LRRC4C: variants seen among roughly 807,000 people sequenced by gnomAD.
LRRC4C encodes leucine rich repeat containing 4C, also known as leucine-rich repeat-containing protein 4C.
Under a neutral mutation model 33.6 loss-of-function variants are expected in LRRC4C, and 5 were observed. The ratio of observed to expected loss-of-function variants is 0.15; its 90% CI spans 0.08 to 0.31. LRRC4C has a LOEUF of 0.31. Ranked by LOEUF, LRRC4C falls within the 10% of genes least tolerant of loss-of-function variation. LRRC4C has a pLI of 1.00. For synonymous variants in LRRC4C, 329 were observed against 302.0 expected, an observed-to-expected ratio of 1.09 and a Z score of -0.93; for missense variants, 560 against 796.7, an observed-to-expected ratio of 0.70 and a Z score of 3.58.
intron 5 of LRRC4C, among the ~76,000 whole-genome samples, chr11:40,179,010 CTT>C (rs5791361): frequency 1.7e-3 from 244 of 141,060 alleles, no homozygotes; most frequent in Non-Finnish European, 1.8e-3. Flanking sequence ...AACTTTCTTT[CTT>C]TTTTTTTTTT....
At chr11:40,121,590 T>G (rs1396705471) in intron 6 of LRRC4C, among the ~76,000 whole-genome samples, 3 of 152,224 alleles carry the variant, frequency 2.0e-5, no homozygotes, top group Non-Finnish European at 2.9e-5. Context: ...TGTGTGAGTT[T>G]TGAATTAAAC....
At chr11:40,521,452 C>T (rs1235176738) in intron 3 of LRRC4C, among the ~76,000 whole-genome samples, 1 of 152,076 alleles carries the variant, frequency 6.6e-6, no homozygotes, top group East Asian at 1.9e-4. Context: ...CTCACTTATT[C>T]GTTACATTCA....
At chr11:40,523,569 G>A (rs114508365) in intron 3 of LRRC4C, among the ~76,000 whole-genome samples, 9,643 of 148,386 alleles carry the variant, frequency 0.065, 819 homozygotes, top group African/African-American at 0.2. Context: ...TAAATATTAT[G>A]TAAAATATAG....
chr11:40,772,004 C>T (rs978068855), intron 2 of LRRC4C, among the ~76,000 whole-genome samples: 4 of 152,154 alleles, frequency 2.6e-5, no homozygotes, highest in East Asian at 1.9e-4. Context: ...GTTCCAAAGT[C>T]GCTTCCACAT....
chr11:40,732,701 T>G (rs1341645455), intron 2 of LRRC4C, among the ~76,000 whole-genome samples: 3 of 152,178 alleles, frequency 2.0e-5, no homozygotes, highest in Admixed American at 6.5e-5. Flanking sequence ...CTTTTGAGCT[T>G]CAAAAACTAA....
chr11:41,274,427 T>C (rs1382527889), intron 1 of LRRC4C, among the ~76,000 whole-genome samples: 1 of 152,056 alleles, frequency 6.6e-6, no homozygotes, highest in African/African-American at 2.4e-5. Context: ...GCAATGATGG[T>C]GGCGAGAAGC....
At chr11:40,455,846 T>G (rs1952106625) in intron 3 of LRRC4C, among the ~76,000 whole-genome samples, 1 of 152,126 alleles carries the variant, frequency 6.6e-6, no homozygotes, top group South Asian at 2.1e-4. Flanking sequence ...CTCTCTGTGT[T>G]GGCCAACTCA....
intron 2 of LRRC4C, among the ~76,000 whole-genome samples, chr11:40,777,802 C>T (rs1009561401): frequency 2.0e-5 from 3 of 151,958 alleles, no homozygotes; most frequent in African/African-American, 7.3e-5. Context: ...ATTCTCCTGC[C>T]TCAGCCTCCC....
intron 4 of LRRC4C, among the ~76,000 whole-genome samples, chr11:40,250,405 G>A (rs557192317): frequency 6.6e-6 from 1 of 152,078 alleles, no homozygotes; most frequent in South Asian, 2.1e-4. Context: ...TGCTTACCGG[G>A]CAGCAGTCCT....
At chr11:40,401,833 A>G (rs1590622125) in intron 3 of LRRC4C, among the ~76,000 whole-genome samples, 1 of 152,064 alleles carries the variant, frequency 6.6e-6, no homozygotes, top group East Asian at 1.9e-4. Context: ...AGTCAAAACC[A>G]TTTTGCTTTT....
intron 3 of LRRC4C, among the ~76,000 whole-genome samples, chr11:40,588,013 T>C (rs1273244646): frequency 0.014 from 2,194 of 151,442 alleles, 62 homozygotes; most frequent in African/African-American, 0.05. Flanking sequence ...GGAGGATTCC[T>C]TCTTTTTCTA....
chr11:40,619,733 G>T (rs1962253157), intron 3 of LRRC4C, among the ~76,000 whole-genome samples: 2 of 151,266 alleles, frequency 1.3e-5, no homozygotes, highest in South Asian at 4.2e-4. Flanking sequence ...TCTCCCTCCA[G>T]GCTGCTAAAC....
intron 2 of LRRC4C, among the ~76,000 whole-genome samples, chr11:40,697,440 T>G (rs1035261949): frequency 5.9e-5 from 9 of 152,194 alleles, no homozygotes; most frequent in Admixed American, 5.9e-4. Flanking sequence ...ATATACATTA[T>G]TTTCTTTTTA....
intron 2 of LRRC4C, among the ~76,000 whole-genome samples, chr11:40,675,033 A>G (rs186691798): frequency 9.8e-5 from 15 of 152,326 alleles, no homozygotes; most frequent in Middle Eastern, 3.4e-3. Context: ...AAAAATTCCC[A>G]AAAGTCAGAG....
At chr11:41,130,355 T>A (rs561441262) in intron 1 of LRRC4C, among the ~76,000 whole-genome samples, 157 of 152,088 alleles carry the variant, frequency 1.0e-3, no homozygotes, top group African/African-American at 3.5e-3. Flanking sequence ...TCTTCACTAT[T>A]CTTCTTTCTT....
intron 3 of LRRC4C, among the ~76,000 whole-genome samples, chr11:40,588,727 G>A (rs544764601): frequency 1.4e-4 from 21 of 152,116 alleles, no homozygotes; most frequent in African/African-American, 4.6e-4. Context: ...CCTTCATTTC[G>A]TTCGGTACCC....
At chr11:40,564,482 T>TC (rs1380481786) in intron 3 of LRRC4C, among the ~76,000 whole-genome samples, 1 of 152,182 alleles carries the variant, frequency 6.6e-6, no homozygotes, top group Non-Finnish European at 1.5e-5. Context: ...CAGTGGTGGC[T>TC]CTTCTATGCA....
chr11:40,201,433 C>T (rs1862744154), intron 5 of LRRC4C, among the ~76,000 whole-genome samples: 1 of 152,076 alleles, frequency 6.6e-6, no homozygotes, highest in African/African-American at 2.4e-5. Context: ...CAGCAACAAA[C>T]TAAACAAATC....
At chr11:41,000,933 A>G (rs1854327663) in intron 1 of LRRC4C, among the ~76,000 whole-genome samples, 1 of 152,174 alleles carries the variant, frequency 6.6e-6, no homozygotes, top group Non-Finnish European at 1.5e-5. Flanking sequence ...GGGAAAATTA[A>G]CATTTATTGA....
Sources: allele counts gnomAD v4.1 joint callset (sites outside exome capture counted in the v4.1 genomes callset), GRCh38; gene constraint gnomAD v4.1.1; transcripts MANE v1.5; gene names NCBI Gene and HGNC (gene_info 2026-07-23, HGNC 2026-07-21).